The following BMPR1A variants were observed in gnomAD, a reference collection of about 807,000 sequenced individuals.
The protein encoded by BMPR1A is bone morphogenetic protein receptor type-1A.
A neutral mutation model predicts 66.0 loss-of-function variants in BMPR1A; 7 were observed. That is an observed-to-expected ratio of 0.11 (90% CI 0.06 to 0.20). The LOEUF (loss-of-function observed/expected upper bound fraction) is 0.20, where lower values mean the gene tolerates loss of function less well. BMPR1A is among the 10% of genes least tolerant of loss of function. The probability of loss-of-function intolerance (pLI) is 1.00; values close to 1 mark genes in which losing one functional copy is unlikely to be tolerated. For missense variants in BMPR1A, 408 were observed against 669.1 expected (o/e 0.61, Z 4.31); for synonymous variants, 200 against 229.7 (o/e 0.87, Z 1.17).
At chr10:86,766,484 T>C (rs1203255518) in intron 1 of BMPR1A, among the ~76,000 whole-genome samples, 1 of 152,170 alleles carries the variant, frequency 6.6e-6, no homozygotes, top group Non-Finnish European at 1.5e-5. Context: ...TTCTTAGAAA[T>C]GCATTTACTA....
At chr10:86,917,638 A>G (rs1843595119) in intron 9 of BMPR1A, among the ~76,000 whole-genome samples, 1 of 152,242 alleles carries the variant, frequency 6.6e-6, no homozygotes, top group Admixed American at 6.5e-5. Flanking sequence ...TAACATTAAC[A>G]TATGTGCCTT....
intron 2 of BMPR1A, among the ~76,000 whole-genome samples, chr10:86,866,406 T>TTTTTC (rs1346577493): frequency 0.016 from 1,757 of 107,544 alleles, 232 homozygotes; most frequent in African/African-American, 0.074. Flanking sequence ...TTTCTTTTTT[T>TTTTTC]TTTTTTTTTT....
Position 86,921,572 on chromosome 10 carries a change from T to A in BMPR1A, c.1219T>A (p.Tyr407Asn). The A allele has an allele frequency of 6.2e-7, 1 of 1,614,138 alleles. No homozygotes were observed. The highest frequency in any genetic ancestry group is 8.5e-7 in the Non-Finnish European group (1 of 1,180,010). The change falls in exon 11 of 13, where the codon TAC becomes AAC. Residue 407 changes from tyrosine to asparagine, a missense_variant. Physicochemically the swap from Tyr to Asn is moderately radical, Grantham distance 143. Coordinates refer to ENST00000372037, the MANE Select transcript of BMPR1A (RefSeq NM_004329.3). The stretch of plus-strand genomic sequence containing the variant: ...GAATACCAGGGTGGGCACCAAACGC[T>A]ACATGGCTCCCGAAGTGCTGGACGA... ...PLNTRVGTKR[Y>N]MAPEVLDESL... is the part of the protein sequence containing the mutation.
intron 1 of BMPR1A, among the ~76,000 whole-genome samples, chr10:86,802,806 T>TA (rs1343438560): frequency 0.015 from 2,181 of 143,506 alleles, 42 homozygotes; most frequent in African/African-American, 0.047. Context: ...CAGACATGTT[T>TA]AAAAAAAAAA....
rs1843267758 is a variant in BMPR1A at position 86,898,925 on chromosome 10, A to C, written c.334-869A>C. On this transcript the variant is annotated intron_variant, in intron 5 of 12. Transcript: ENST00000372037. ...AAAAGTTATTAATAAAACTTCATTTAAAATATAAAATATGTATTTGGACAT... is the reference window on the plus strand; with the variant it reads ...AAAAGTTATTAATAAAACTTCATTTCAAATATAAAATATGTATTTGGACAT... Among the ~76,000 whole-genome samples the C allele has an allele frequency of 3.3e-5, 5 of 152,238 alleles. No homozygotes were observed. In the South Asian group the frequency reaches 1.0e-3, roughly 32 times the overall value.
At chr10:86,895,373 A>T (rs1843211649) in intron 5 of BMPR1A, among the ~76,000 whole-genome samples, 1 of 151,994 alleles carries the variant, frequency 6.6e-6, no homozygotes, top group Non-Finnish European at 1.5e-5. Flanking sequence ...CCCCGTCTCT[A>T]CTGATAATAC....
rs1344739467 is a variant in BMPR1A at position 86,811,816 on chromosome 10, T to G, written c.-267-27049T>G. 2.6e-5 allele frequency among the ~76,000 whole-genome samples: 4 copies of G among 152,322 alleles called. No homozygotes were observed. In the East Asian group the frequency reaches 5.8e-4, roughly 22 times the overall value. Reference sequence around the variant, plus strand: ...ATTTGTTAGCTGACAAACTTTTGTTTAAATTTTATTTTAAAAATTAATAAA... The same window carrying G: ...ATTTGTTAGCTGACAAACTTTTGTTGAAATTTTATTTTAAAAATTAATAAA... On this transcript the variant is annotated intron_variant, in intron 1 of 12. Coordinates refer to ENST00000372037, the MANE Select transcript of BMPR1A (RefSeq NM_004329.3).
intron 7 of BMPR1A, among the ~76,000 whole-genome samples, chr10:86,909,857 G>A (rs1379040927): frequency 1.3e-5 from 2 of 152,148 alleles, no homozygotes; most frequent in African/African-American, 4.8e-5. Flanking sequence ...CAAGGGTAGG[G>A]ATAAAGGTGT....
rs535962114 is a variant in BMPR1A, at chr10:86,924,931, C to T, written c.*1212C>T. ...CTTTGTTAACTTCAGGTAAAAACTT[C>T]ATTAGGGTAATATCATCTCAATTTT... On this transcript the variant is annotated 3_prime_UTR_variant, in exon 13 of 13. Transcript: ENST00000372037. 1 of 232,096 alleles carries T rather than the reference C, an allele frequency of 4.3e-6. No homozygotes were observed. The highest frequency in any genetic ancestry group is 1.8e-4 in the South Asian group (1 of 5,508). 14.4% of individuals were successfully genotyped at this position (232,096 alleles called of 1,614,324 possible).
intron 2 of BMPR1A, among the ~76,000 whole-genome samples, chr10:86,861,240 C>T (rs908498213): frequency 9.9e-5 from 15 of 152,146 alleles, no homozygotes; most frequent in African/African-American, 3.6e-4. Flanking sequence ...ATTCCCAAGG[C>T]GGGGAACTCT....
chr10:86,772,064 G>C (rs1035650121), intron 1 of BMPR1A, among the ~76,000 whole-genome samples: 1 of 133,222 alleles, frequency 7.5e-6, no homozygotes, highest in Non-Finnish European at 1.5e-5. Flanking sequence ...TTAAAAATTA[G>C]TGCTTTTTTT....
intron 1 of BMPR1A, among the ~76,000 whole-genome samples, chr10:86,762,647 C>T (rs1281102061): frequency 6.6e-6 from 1 of 152,224 alleles, no homozygotes. Context: ...GTGTGAGCCA[C>T]TGCGCCTGGC....
At chr10:86,759,450 A>G (rs1840991887) in intron 1 of BMPR1A, among the ~76,000 whole-genome samples, 1 of 152,068 alleles carries the variant, frequency 6.6e-6, no homozygotes, top group Non-Finnish European at 1.5e-5. Flanking sequence ...GTTGCTTTCT[A>G]CATATCTGTA....
intron 3 of BMPR1A, among the ~76,000 whole-genome samples, chr10:86,882,390 T>C (rs1465690003): frequency 6.6e-6 from 1 of 151,848 alleles, no homozygotes; most frequent in Non-Finnish European, 1.5e-5. Flanking sequence ...GCCACTGAAC[T>C]CCAGCCTGGG....
chr10:86,921,487 C>G, intron 10 of BMPR1A, 33 bp from the exon 11 acceptor site: 2 of 1,613,026 alleles, frequency 1.2e-6, no homozygotes, highest in Non-Finnish European at 1.7e-6. Context: ...ATTTTTGGCC[C>G]TCAACTTGGA....
intron 2 of BMPR1A, among the ~76,000 whole-genome samples, chr10:86,842,814 T>C (rs1371825002): frequency 1.3e-5 from 2 of 152,080 alleles, no homozygotes; most frequent in Non-Finnish European, 2.9e-5. Context: ...GAGAGCCAAG[T>C]GAAAGGGGAA....
rs2133658500 is a variant in BMPR1A at position 86,927,466 on chromosome 10, T to G, written c.*3747T>G. The G allele has an allele frequency of 5.0e-6, 1 of 200,348 alleles. No individual in the cohort carries two copies. Among genetic ancestry groups the G allele is most frequent in the East Asian group, 7.8e-5 (1 of 12,858 alleles). 12.4% of individuals were successfully genotyped at this position (200,348 alleles called of 1,614,324 possible). A position where few individuals can be genotyped will look rare whatever the true frequency, so the allele number is the denominator to read the frequency against. On this transcript the variant is annotated 3_prime_UTR_variant, in exon 13 of 13. Transcript: ENST00000372037. ...CGTCTCTTGCCTTAGTGTGCTGCTG[T>G]GAGAGTCACAGTGGAAACTGCAGGG...
intron 3 of BMPR1A, among the ~76,000 whole-genome samples, chr10:86,881,393 A>C (rs755080117): frequency 3.3e-5 from 5 of 152,242 alleles, no homozygotes; most frequent in Non-Finnish European, 7.3e-5. Context: ...AGGTGAGGGA[A>C]AGCATCTCAT....
intron 3 of BMPR1A, among the ~76,000 whole-genome samples, chr10:86,884,980 A>G (rs190342682): frequency 2.0e-5 from 3 of 152,320 alleles, no homozygotes; most frequent in Admixed American, 2.0e-4. Flanking sequence ...AATAAGCCTA[A>G]TCATTCACAT....
Sources: gnomAD v4.1 joint callset for allele counts (sites outside exome capture counted in the v4.1 genomes callset) on GRCh38, gnomAD v4.1.1 for gene constraint, MANE v1.5 for transcripts, NCBI Gene and HGNC (gene_info 2026-07-23, HGNC 2026-07-21) for gene names.